The following EML6 variants were observed in gnomAD, a reference collection of about 807,000 sequenced individuals.
EML6 encodes echinoderm microtubule-associated protein-like 6.
Under a neutral mutation model 240.1 loss-of-function variants are expected in EML6, and 154 were observed. The ratio of observed to expected loss-of-function variants is 0.64; its 90% confidence interval spans 0.56 to 0.73. The LOEUF is 0.73. Among genes scored for constraint, EML6 ranks in the 30% least tolerant of loss-of-function variants. The pLI is 0.00. For synonymous variants in EML6, 1,148 were observed against 899.0 expected, an observed-to-expected ratio of 1.28 and a Z score of -4.95; for missense variants, 2,964 against 2,474.6, an observed-to-expected ratio of 1.20 and a Z score of -4.20.
intron 2 of EML6, among the ~76,000 whole-genome samples, chr2:54,796,975 A>G (rs2103943958): frequency 6.6e-6 from 1 of 151,930 alleles, no homozygotes; most frequent in Admixed American, 6.6e-5. Context: ...CATACTGGCT[A>G]ACGTGGTGAA....
At chr2:54,843,962 T>TGTGTGTG in intron 7 of EML6, 85 bp from the exon 8 acceptor site, 2 of 433,742 alleles carry the variant, frequency 4.6e-6, no homozygotes, top group Non-Finnish European at 6.6e-6. Flanking sequence ...TACTTTAGGG[T>TGTGTGTG]TTTGTGTGTG....
chr2:54,895,271 A>G lies in EML6; in HGVS notation c.2855-2A>G. The stretch of plus-strand genomic sequence containing the variant: ...TGTTAAATATACCATCCCCTTCCCC[A>G]GGCTTGCTTTTGGAAGATAACCCTT... On this transcript the variant is annotated splice_acceptor_variant, in intron 20 of 41. Coordinates refer to ENST00000356458, the MANE Select transcript of EML6 (RefSeq NM_001039753.4). LOFTEE classifies it high-confidence loss of function. 6.4e-7 allele frequency: 1 copy of G among 1,551,538 alleles called. No individual in the cohort carries two copies.
intron 2 of EML6, among the ~76,000 whole-genome samples, chr2:54,745,416 G>C (rs989967773): frequency 1.3e-5 from 2 of 152,126 alleles, no homozygotes; most frequent in African/African-American, 4.8e-5. Flanking sequence ...CTGAGTGCCT[G>C]CCAGGAGATA....
chr2:54,917,276 C>A (rs1297975614), intron 26 of EML6, among the ~76,000 whole-genome samples: 1 of 151,994 alleles, frequency 6.6e-6, no homozygotes, highest in African/African-American at 2.4e-5. Flanking sequence ...ACACAGCACC[C>A]CAACTGATTT....
chr2:54,828,069 G>C (rs1019482254), intron 6 of EML6, among the ~76,000 whole-genome samples: 2 of 152,156 alleles, frequency 1.3e-5, no homozygotes, highest in Non-Finnish European at 2.9e-5. Flanking sequence ...TGAGTTTCTG[G>C]GGAATCATGT....
chr2:54,913,776 T>A (rs902157078), intron 25 of EML6, among the ~76,000 whole-genome samples: 1 of 152,224 alleles, frequency 6.6e-6, no homozygotes, highest in Admixed American at 6.5e-5. Context: ...TCTTCTAGGA[T>A]TCTTATAGTT....
chr2:54,858,628 C>T (rs886950961), intron 11 of EML6, among the ~76,000 whole-genome samples: 2 of 152,168 alleles, frequency 1.3e-5, no homozygotes, highest in Non-Finnish European at 2.9e-5. Flanking sequence ...CAGCAGAATT[C>T]CCCTAATTTT....
intron 10 of EML6, among the ~76,000 whole-genome samples, chr2:54,852,970 C>T (rs1036092013): frequency 1.3e-5 from 2 of 152,228 alleles, no homozygotes; most frequent in African/African-American, 4.8e-5. Context: ...ATATACACAG[C>T]ACAACGGTCG....
chr2:54,790,037 C>T (rs1020562833), intron 2 of EML6, among the ~76,000 whole-genome samples: 1 of 152,092 alleles, frequency 6.6e-6, no homozygotes, highest in African/African-American at 2.4e-5. Flanking sequence ...GCACAGGTAA[C>T]CTGTACAAGA....
intron 11 of EML6, 114 bp from the exon 12 acceptor site, chr2:54,859,420 G>A (rs1015177815): frequency 5.5e-5 from 43 of 787,502 alleles, no homozygotes; most frequent in Middle Eastern, 3.1e-4. Flanking sequence ...ACGGAACATC[G>A]TTTTCAGATA....
chr2:54,843,216 C>G (rs1321328432), intron 7 of EML6, among the ~76,000 whole-genome samples: 1 of 152,144 alleles, frequency 6.6e-6, no homozygotes, highest in Non-Finnish European at 1.5e-5. Context: ...AAAATACATT[C>G]TACTGTTTAA....
chr2:54,877,427 C>G (rs1413123861), intron 16 of EML6, among the ~76,000 whole-genome samples: 3 of 150,428 alleles, frequency 2.0e-5, no homozygotes, highest in Non-Finnish European at 2.9e-5. Flanking sequence ...GTGATACTTA[C>G]AAAGGAAATG....
In EML6 at chr2:54,970,916, T is replaced by A. The variant is rs1449906806; in HGVS notation, c.*821T>A. On this transcript the variant is annotated 3_prime_UTR_variant, in exon 42 of 42. Transcript: ENST00000356458. ...TGAAGTTCGGGACAGGGTAGAATTA[T>A]GGGTTTTCATTGTGTTTCATGCCAA... The A allele has an allele frequency of 6.6e-6, 1 of 152,240 alleles. No individual in the cohort carries two copies. Among genetic ancestry groups the A allele is most frequent in the Non-Finnish European group, 1.5e-5 (1 of 68,040 alleles). The allele number at this position is 152,240 out of a possible 1,614,324, so 9.4% of individuals were successfully genotyped here.
At chr2:54,963,402 C>T (rs1444090648) in intron 36 of EML6, among the ~76,000 whole-genome samples, 1 of 152,234 alleles carries the variant, frequency 6.6e-6, no homozygotes, top group Non-Finnish European at 1.5e-5. Flanking sequence ...CCAGCTGCTT[C>T]ATGGACATGA....
At chr2:54,913,027 C>T (rs1673722174) in intron 25 of EML6, among the ~76,000 whole-genome samples, 1 of 150,092 alleles carries the variant, frequency 6.7e-6, no homozygotes. Flanking sequence ...TTCCCACCAA[C>T]AGTGAATAAG....
At chr2:54,945,000 CCA>C (rs1334253894) in intron 28 of EML6, among the ~76,000 whole-genome samples, 2 of 139,506 alleles carry the variant, frequency 1.4e-5, no homozygotes, top group Non-Finnish European at 3.1e-5. Flanking sequence ...CTCCCCTCCC[CCA>C]TCCATTCCTC....
chr2:54,890,880 A>G (rs2104091754), intron 17 of EML6, among the ~76,000 whole-genome samples, 174 bp from the exon 18 acceptor site: 1 of 152,324 alleles, frequency 6.6e-6, no homozygotes, highest in Admixed American at 6.5e-5. Context: ...TCAAACATGC[A>G]AAGAAAAGCC....
chr2:54,899,511 C>A, intron 21 of EML6, 130 bp from the exon 22 acceptor site: 2 of 901,592 alleles, frequency 2.2e-6, no homozygotes, highest in East Asian at 2.9e-5. Flanking sequence ...TTCAAGGAAG[C>A]TCAAAGTGTG....
In EML6 at chr2:54,916,909, G is replaced by T; in HGVS notation, c.3649G>T (p.Val1217Phe). 6.5e-7 allele frequency: 1 copy of T among 1,547,220 alleles called. No homozygotes were observed. The highest frequency in any genetic ancestry group is 8.7e-7 in the Non-Finnish European group (1 of 1,143,318). ...LLATGDDFGF[V>F]KLFSYPVKGQ... ...AGCCACCGGAGATGATTTTGGTTTCGTTAAGCTTTTTTCATATCCTGTCAA... is the reference window on the plus strand; with the variant it reads ...AGCCACCGGAGATGATTTTGGTTTCTTTAAGCTTTTTTCATATCCTGTCAA... Residue 1217 changes from valine (V) to phenylalanine (F), a missense_variant, in exon 26 of 42, where the codon GTT becomes TTT. Physicochemically the swap from Val to Phe is conservative, Grantham distance 50. Coordinates refer to ENST00000356458, the MANE Select transcript of EML6 (RefSeq NM_001039753.4).
Sources: gnomAD v4.1 joint callset for allele counts (sites outside exome capture counted in the v4.1 genomes callset) on GRCh38, gnomAD v4.1.1 for gene constraint, MANE v1.5 for transcripts, NCBI Gene and HGNC (gene_info 2026-07-23, HGNC 2026-07-21) for gene names.